SLC25A44: variants seen among roughly 807,000 people sequenced by gnomAD.
The protein encoded by SLC25A44 is solute carrier family 25 member 44.
A neutral mutation model predicts 29.9 loss-of-function variants in SLC25A44; 17 were observed. The ratio of observed to expected loss-of-function variants is 0.57; its 90% CI spans 0.39 to 0.85. The LOEUF (loss-of-function observed/expected upper bound fraction) is 0.85, where lower values mean the gene tolerates loss of function less well. SLC25A44 is among the 40% of genes least tolerant of loss of function. The pLI is 0.00. For synonymous variants in SLC25A44, 140 were observed against 151.8 expected, an observed-to-expected ratio of 0.92 and a Z score of 0.57; for missense variants, 302 against 398.4, an observed-to-expected ratio of 0.76 and a Z score of 2.06.
chr1:156,195,354 C>T (rs992992734), intron 1 of SLC25A44, among the ~76,000 whole-genome samples: 9 of 152,054 alleles, frequency 5.9e-5, no homozygotes. Context: ...CCGCCCGCCT[C>T]GGCCTCCCAA....
intron 2 of SLC25A44, among the ~76,000 whole-genome samples, chr1:156,203,005 C>T (rs1360069648): frequency 2.0e-5 from 3 of 152,128 alleles, no homozygotes; most frequent in African/African-American, 7.2e-5. Flanking sequence ...CTCCTTTTTG[C>T]TTAAAATCTG....
In SLC25A44 at chr1:156,203,944, T is replaced by C. The variant is rs1442918568; in HGVS notation, c.625+3472T>C. Among the ~76,000 whole-genome samples, 16 of 151,950 alleles carry C rather than the reference T, an allele frequency of 1.1e-4. 1 individual carries two copies. Among genetic ancestry groups the C allele is most frequent in the Middle Eastern group, 6.8e-3 (2 of 292 alleles). ...TGGTCTTGATCTCCTGACCTTGTGA[T>C]CCGCCCGCCTCGGCCTCCCGAAGTG... On this transcript the variant is annotated intron_variant, in intron 2 of 3. Coordinates refer to ENST00000359511, the MANE Select transcript of SLC25A44 (RefSeq NM_014655.4).
intron 2 of SLC25A44, among the ~76,000 whole-genome samples, chr1:156,207,394 T>A (rs1005102972): frequency 6.6e-6 from 1 of 152,148 alleles, no homozygotes; most frequent in African/African-American, 2.4e-5. Flanking sequence ...TTAGCCAGGA[T>A]GGTCTTGATC....
At chr1:156,200,597 A>G in intron 2 of SLC25A44, 125 bp downstream of exon 2, 1 of 902,570 alleles carries the variant, frequency 1.1e-6, no homozygotes, top group Non-Finnish European at 1.7e-6. Flanking sequence ...CACTCAGCAA[A>G]TGTTTGAATC....
At chr1:156,203,490 T>G (rs1005162072) in intron 2 of SLC25A44, among the ~76,000 whole-genome samples, 4 of 152,190 alleles carry the variant, frequency 2.6e-5, no homozygotes, top group Admixed American at 2.0e-4. Flanking sequence ...GTGCCTGGCA[T>G]CTATTATTAA....
chr1:156,199,302 G>A (rs1322861425), intron 1 of SLC25A44: 1 of 156,682 alleles, frequency 6.4e-6, no homozygotes, highest in African/African-American at 2.4e-5. Context: ...AGTAGGCCCA[G>A]GAGCATCAAA....
rs1436313596 is a variant in SLC25A44, at chr1:156,203,543, G to A, written c.625+3071G>A. Reference sequence around the variant, plus strand: ...TAAATACTTGTCCAGAGTCAAGCCAGTCTTAGCCAAGTGGGACTTAAACCA... The same window carrying A: ...TAAATACTTGTCCAGAGTCAAGCCAATCTTAGCCAAGTGGGACTTAAACCA... On this transcript the variant is annotated intron_variant, in intron 2 of 3. Coordinates refer to ENST00000359511, the MANE Select transcript of SLC25A44 (RefSeq NM_014655.4). Among the ~76,000 whole-genome samples, 3 of 152,124 alleles carry A rather than the reference G, an allele frequency of 2.0e-5. No individual in the cohort carries two copies. The East Asian group carries it at 5.8e-4, about 29-fold the overall frequency.
chr1:156,210,221 A>G lies in SLC25A44; in HGVS notation c.754-19A>G. 6.6e-7 allele frequency: 1 copy of G among 1,523,392 alleles called. No individual in the cohort carries two copies. Among genetic ancestry groups the G allele is most frequent in the Non-Finnish European group, 8.8e-7 (1 of 1,131,096 alleles). 94.4% of individuals were successfully genotyped at this position (1,523,392 alleles called of 1,614,324 possible). On this transcript the variant is annotated intron_variant, in intron 3 of 3. Coordinates refer to ENST00000359511, the MANE Select transcript of SLC25A44 (RefSeq NM_014655.4). ...CTCTGACTACAGACAATGGCCCTCC[A>G]CTGTGTTGACTTTTCCAGGTTGAGG...
intron 3 of SLC25A44, among the ~76,000 whole-genome samples, chr1:156,208,592 G>T (rs1032091588): frequency 6.6e-6 from 1 of 152,178 alleles, no homozygotes; most frequent in African/African-American, 2.4e-5. Context: ...AAATCTTACT[G>T]GTTTCTTCCA....
At position 156,200,111 on chromosome 1, in the gene SLC25A44, G is replaced by C; in HGVS notation, c.264G>C (p.Gln88His). The change falls in exon 2 of 4, where the codon CAG (glutamine) becomes CAC (histidine). Residue 88 changes from glutamine to histidine, a missense_variant. Transcript: ENST00000359511. ...ATACCTTCACCCTCATCTCTGGCCA[G>C]TGTTATGTCACCACTTATGAGCTCA... Reference protein sequence around the residue: ...LVNTFTLISGQCYVTTYELTR... With the variant: ...LVNTFTLISGHCYVTTYELTR... The C allele has an allele frequency of 6.2e-7, 1 of 1,614,194 alleles. No homozygotes were observed. The highest frequency in any genetic ancestry group is 8.5e-7 in the Non-Finnish European group (1 of 1,180,026).
In SLC25A44 at chr1:156,208,149, C is replaced by T. The variant is rs114850653; in HGVS notation, c.753+136C>T. On this transcript the variant is annotated intron_variant, in intron 3 of 3. Coordinates refer to ENST00000359511, the MANE Select transcript of SLC25A44 (RefSeq NM_014655.4). ...TCAGTCTTCTCCTGAACATCTAAGCCCCTTCTGTGTGCTTAGCATCTGCAG... is the reference window on the plus strand; with the variant it reads ...TCAGTCTTCTCCTGAACATCTAAGCTCCTTCTGTGTGCTTAGCATCTGCAG... 9.2e-4 allele frequency: 678 copies of T among 738,486 alleles called. No homozygotes were observed. The African/African-American group carries it at 0.01, about 11-fold the overall frequency. 45.7% of individuals were successfully genotyped at this position (738,486 alleles called of 1,614,324 possible).
At chr1:156,206,080 C>G (rs1369627612) in intron 2 of SLC25A44, among the ~76,000 whole-genome samples, 1 of 152,006 alleles carries the variant, frequency 6.6e-6, no homozygotes, top group Non-Finnish European at 1.5e-5. Context: ...TAGGATGTGA[C>G]TTTCTATTTT....
intron 2 of SLC25A44, among the ~76,000 whole-genome samples, chr1:156,204,103 G>A (rs1656779514): frequency 3.3e-5 from 5 of 150,554 alleles, no homozygotes; most frequent in African/African-American, 7.3e-5. Flanking sequence ...CACCTCCCAG[G>A]TTCAAGCAAT....
chr1:156,212,535 G>A lies in SLC25A44; in HGVS notation c.*2104G>A, dbSNP rs1657404232. 6.3e-6 allele frequency: 1 copy of A among 157,520 alleles called. No homozygotes were observed. Among genetic ancestry groups the A allele is most frequent in the African/African-American group, 2.4e-5 (1 of 41,466 alleles). 9.8% of individuals were successfully genotyped at this position (157,520 alleles called of 1,614,324 possible). A position where few individuals can be genotyped will look rare whatever the true frequency, so the allele number is the denominator to read the frequency against. ...CTAATTCTTTAGGGACTGGGATTGG[G>A]TTTGACTGAAATATGTTTTGGTGGG... On this transcript the variant is annotated 3_prime_UTR_variant, in exon 4 of 4. Coordinates refer to ENST00000359511, the MANE Select transcript of SLC25A44 (RefSeq NM_014655.4).
intron 3 of SLC25A44, among the ~76,000 whole-genome samples, 191 bp from the exon 4 acceptor site, chr1:156,210,049 A>G (rs577785612): frequency 1.3e-5 from 2 of 152,300 alleles, no homozygotes; most frequent in Non-Finnish European, 2.9e-5. Context: ...GTTGGGGAGC[A>G]GAATTCAAAC....
At chr1:156,200,612 A>G in intron 2 of SLC25A44, 140 bp downstream of exon 2, 1 of 827,188 alleles carries the variant, frequency 1.2e-6, no homozygotes, top group Non-Finnish European at 1.9e-6. Context: ...TGAATCCAGG[A>G]GGATTTAAAG....
Position 156,198,098 on chromosome 1 carries a change from C to G in SLC25A44, c.-13-1737C>G, listed in dbSNP as rs1656330324. 1 of 152,142 alleles carries G rather than the reference C, an allele frequency of 6.6e-6. No individual in the cohort carries two copies. The highest frequency in any genetic ancestry group is 2.4e-5 in the African/African-American group (1 of 41,422). 9.4% of individuals were successfully genotyped at this position (152,142 alleles called of 1,614,324 possible). On this transcript the variant is annotated intron_variant, in intron 1 of 3. Transcript: ENST00000359511. This position sits in a 1 kb window ranked among gnomAD's most constrained non-coding sequence, Gnocchi z 4.1. ...GAACTGCTAGTGTAGAATGTTTCAG[C>G]CCCCTAGAGTTGTCCCTGTGATGTG...
At position 156,200,422 on chromosome 1, in the gene SLC25A44, C is replaced by A; in HGVS notation, c.575C>A (p.Thr192Asn). The A allele has an allele frequency of 6.2e-7, 1 of 1,613,638 alleles. No homozygotes were observed. The highest frequency in any genetic ancestry group is 8.5e-7 in the Non-Finnish European group (1 of 1,179,964). Residue 192 changes from threonine to asparagine, a missense_variant, in exon 2 of 4, where the codon ACC becomes AAC. By Grantham distance (65) the Thr-to-Asn change is moderately conservative. Transcript: ENST00000359511. ...FYRGYVASLLTYIPNSAVWWP... is the reference protein window; with the variant it reads ...FYRGYVASLLNYIPNSAVWWP... ...CGAGGCTATGTGGCTTCACTGCTTACCTATATCCCAAACAGTGCTGTCTGG... is the reference window on the plus strand; with the variant it reads ...CGAGGCTATGTGGCTTCACTGCTTAACTATATCCCAAACAGTGCTGTCTGG...
chr1:156,208,066 G>C, intron 3 of SLC25A44, 53 bp downstream of exon 3: 1 of 1,550,654 alleles, frequency 6.4e-7, no homozygotes, highest in Non-Finnish European at 8.9e-7. Flanking sequence ...TTAGAAGCAT[G>C]ACCTTCAAGC....
Sources: gnomAD v4.1 joint callset for allele counts (sites outside exome capture counted in the v4.1 genomes callset) on GRCh38, gnomAD v4.1.1 for gene constraint, Gnocchi (gnomAD v3.1) non-coding constraint, MANE v1.5 for transcripts, NCBI Gene and HGNC (gene_info 2026-07-23, HGNC 2026-07-21) for gene names.